Variants in ZNF578 observed in about 807,000 individuals in gnomAD.
ZNF578 encodes zinc finger protein 578, also known as Putative chemokine-related protein B42.
A neutral mutation model predicts 8.3 loss-of-function variants in ZNF578; 8 were observed. The ratio of observed to expected loss-of-function variants is 0.96; its 90% confidence interval spans 0.56 to 1.74. The LOEUF is 1.74. Ranked by LOEUF, ZNF578 falls within the 40% of genes most tolerant of loss-of-function variation. The pLI is 0.00. For missense variants in ZNF578, 726 were observed against 707.5 expected (o/e 1.03, Z -0.30); for synonymous variants, 206 against 232.2 (o/e 0.89, Z 1.03).
intron 2 of ZNF578, among the ~76,000 whole-genome samples, chr19:52,471,435 G>T (rs2059291468): frequency 6.6e-6 from 1 of 152,052 alleles, no homozygotes; most frequent in South Asian, 2.1e-4. Context: ...CTGTTTCTCT[G>T]TAGAACCCTA....
chr19:52,496,734 T>A (rs373663816), intron 3 of ZNF578, among the ~76,000 whole-genome samples: 5 of 150,716 alleles, frequency 3.3e-5, no homozygotes, highest in East Asian at 2.0e-4. Flanking sequence ...GCCTCTGGGG[T>A]TCATGTGATT....
At chr19:52,502,723 C>T (rs1184408452) in intron 4 of ZNF578, among the ~76,000 whole-genome samples, 2 of 152,060 alleles carry the variant, frequency 1.3e-5, no homozygotes, top group African/African-American at 2.4e-5. Context: ...GGAAACGGAG[C>T]AAGACTCTGT....
intron 3 of ZNF578, among the ~76,000 whole-genome samples, chr19:52,496,973 T>C (rs2059389088): frequency 6.6e-6 from 1 of 151,252 alleles, no homozygotes; most frequent in Admixed American, 6.6e-5. Context: ...CTTGCTGTTG[T>C]CCAGGCTGGA....
chr19:52,466,664 C>G (rs2122783160), intron 2 of ZNF578, among the ~76,000 whole-genome samples: 1 of 152,292 alleles, frequency 6.6e-6, no homozygotes, highest in South Asian at 2.1e-4. Flanking sequence ...GAAAAACTCA[C>G]TTGTGGACAA....
rs144200357 is a variant in ZNF578 at position 52,469,712 on chromosome 19, A to G, written c.-122+12754A>G. 1.9e-3 allele frequency among the ~76,000 whole-genome samples: 293 copies of G among 152,276 alleles called. 1 individual carries two copies. Among genetic ancestry groups the G allele is most frequent in the African/African-American group, 6.6e-3 (274 of 41,540 alleles). ...TGATACTTTTCAACATTTCTGGAGA[A>G]CCAAAGAACATAATGAAGTTGCTTT... On this transcript the variant is annotated intron_variant, in intron 2 of 5. Coordinates refer to ENST00000421239, the MANE Select transcript of ZNF578 (RefSeq NM_001099694.2).
At chr19:52,485,145 C>A (rs1401931133) in intron 2 of ZNF578, among the ~76,000 whole-genome samples, 1 of 151,742 alleles carries the variant, frequency 6.6e-6, no homozygotes, top group East Asian at 2.0e-4. Flanking sequence ...AATTTATTTT[C>A]CTTTCACACA....
intron 5 of ZNF578, among the ~76,000 whole-genome samples, chr19:52,509,822 A>G (rs2072955814): frequency 6.6e-6 from 1 of 152,096 alleles, no homozygotes; most frequent in Non-Finnish European, 1.5e-5. Context: ...GTGTGGATAT[A>G]TGTAATTTTA....
chr19:52,465,263 G>A (rs1292377950), intron 2 of ZNF578, among the ~76,000 whole-genome samples: 7 of 152,270 alleles, frequency 4.6e-5, no homozygotes, highest in Admixed American at 3.9e-4. Context: ...GGTGAGCCGA[G>A]TATCGGGCTC....
In ZNF578 at chr19:52,456,855, C is replaced by G. The variant is rs2059241312; in HGVS notation, c.-212-13C>G. Reference sequence around the variant, plus strand: ...TTGTTTTTTAAAAAGTTTTCTTTTTCTTTTTCTTTCAGGATTAGCTTCTAA... The same window carrying G: ...TTGTTTTTTAAAAAGTTTTCTTTTTGTTTTTCTTTCAGGATTAGCTTCTAA... On this transcript the variant is annotated splice_polypyrimidine_tract_variant and intron_variant, in intron 1 of 5. Coordinates refer to ENST00000421239, the MANE Select transcript of ZNF578 (RefSeq NM_001099694.2). 6.5e-6 allele frequency: 1 copy of G among 153,218 alleles called. No individual in the cohort carries two copies. Among genetic ancestry groups the G allele is most frequent in the South Asian group, 2.1e-4 (1 of 4,838 alleles). 9.5% of individuals were successfully genotyped at this position (153,218 alleles called of 1,614,324 possible). A position where few individuals can be genotyped will look rare whatever the true frequency, so the allele number is the denominator to read the frequency against.
At chr19:52,460,756 G>A (rs572858207) in intron 2 of ZNF578, among the ~76,000 whole-genome samples, 44 of 152,194 alleles carry the variant, frequency 2.9e-4, no homozygotes, top group Admixed American at 1.7e-3. Context: ...AGTTTGTTAC[G>A]TGTATTAATC....
chr19:52,511,344 A>C lies in ZNF578; in HGVS notation c.963A>C (p.Gly321=). ...AACCTTACAAGTGTAATGAATGTGG[A>C]AAGTCCTTCAGTTACAAGTCATCCC... is the stretch of plus-strand genomic sequence containing the variant. ...GEKPYKCNEC[G]KSFSYKSSLT... is the part of the protein sequence containing the mutation. The change falls in exon 6 of 6, where the codon GGA becomes GGC. Residue 321 remains glycine (G), a synonymous_variant. Coordinates refer to ENST00000421239, the MANE Select transcript of ZNF578 (RefSeq NM_001099694.2). 1 of 1,613,806 alleles carries C rather than the reference A, an allele frequency of 6.2e-7. No individual in the cohort carries two copies. Among genetic ancestry groups the C allele is most frequent in the South Asian group, 1.1e-5 (1 of 91,064 alleles).
At chr19:52,491,273 G>GTGTA (rs2059364194) in intron 2 of ZNF578, 51 bp from the exon 3 acceptor site, 1 of 209,600 alleles carries the variant, frequency 4.8e-6, no homozygotes, top group African/African-American at 2.3e-5. Flanking sequence ...ATTTCAGTAT[G>GTGTA]ATTTACCATC....
In ZNF578 at chr19:52,477,180, T is replaced by C. The variant is rs187206250; in HGVS notation, c.-121-14144T>C. Among the ~76,000 whole-genome samples, 220 of 152,324 alleles carry C rather than the reference T, an allele frequency of 1.4e-3. 1 individual carries two copies. The highest frequency in any genetic ancestry group is 2.1e-3 in the Non-Finnish European group (145 of 68,036). The stretch of plus-strand genomic sequence containing the variant: ...CATGTATCCTGCTGGTAAAGGTCTC[T>C]AAATGCCAGGGGGAGCTTTGGTAGG... On this transcript the variant is annotated intron_variant, in intron 2 of 5. Transcript: ENST00000421239.
intron 2 of ZNF578, among the ~76,000 whole-genome samples, chr19:52,465,844 C>T (rs748324174): frequency 1.1e-4 from 17 of 152,218 alleles, no homozygotes; most frequent in Non-Finnish European, 2.2e-4. Context: ...CTCAGGAGTC[C>T]TCCATCCGTC....
rs148251659 is a variant in ZNF578, at chr19:52,482,281, A to G, written c.-121-9043A>G. ...ATTCCCGACCTCAGGTGATCTCCCC[A>G]CCTGGGCCTCCCAAAGTGCTGGGAT... On this transcript the variant is annotated intron_variant, in intron 2 of 5. Coordinates refer to ENST00000421239, the MANE Select transcript of ZNF578 (RefSeq NM_001099694.2). Among the ~76,000 whole-genome samples the G allele has an allele frequency of 1.3e-3, 201 of 152,180 alleles. 3 individuals are homozygous for G. In the East Asian group the frequency reaches 0.025, roughly 19 times the overall value.
chr19:52,482,017 G>A (rs373738649), intron 2 of ZNF578, among the ~76,000 whole-genome samples: 1 of 151,932 alleles, frequency 6.6e-6, no homozygotes, highest in Admixed American at 6.6e-5. Flanking sequence ...ACAGGGATGA[G>A]CCACCACATC....
At chr19:52,492,448 T>C (rs761684495) in intron 3 of ZNF578, among the ~76,000 whole-genome samples, 6 of 152,150 alleles carry the variant, frequency 3.9e-5, no homozygotes, top group African/African-American at 9.7e-5. Flanking sequence ...CAGGGTGGAC[T>C]CTCCCTCCTG....
intron 2 of ZNF578, among the ~76,000 whole-genome samples, chr19:52,471,578 C>A (rs1457596132): frequency 6.6e-6 from 1 of 152,156 alleles, no homozygotes; most frequent in Non-Finnish European, 1.5e-5. Flanking sequence ...GTGGGTACTC[C>A]AACCCCAGCC....
At chr19:52,477,315 G>C (rs2122826665) in intron 2 of ZNF578, among the ~76,000 whole-genome samples, 1 of 152,300 alleles carries the variant, frequency 6.6e-6, no homozygotes, top group South Asian at 2.1e-4. Flanking sequence ...ACCCACCCCT[G>C]AAGTGTGGTT....
Sources: allele counts gnomAD v4.1 joint callset (sites outside exome capture counted in the v4.1 genomes callset), GRCh38; gene constraint gnomAD v4.1.1; transcripts MANE v1.5; gene names NCBI Gene and HGNC (gene_info 2026-07-23, HGNC 2026-07-21).